KLHL1: variants seen among roughly 807,000 people sequenced by gnomAD.
The protein encoded by KLHL1 is kelch like family member 1.
KLHL1 carries 47 observed loss-of-function variants against 77.7 expected under a neutral mutation model. That is an observed-to-expected ratio of 0.60 (90% CI 0.48 to 0.77). The LOEUF is 0.77. Ranked by LOEUF, KLHL1 falls within the 30% of genes least tolerant of loss-of-function variation. KLHL1 has a pLI of 0.00. For missense variants in KLHL1, 925 were observed against 910.8 expected (o/e 1.02, Z -0.20); for synonymous variants, 360 against 325.2 (o/e 1.11, Z -1.15).
chr13:70,059,550 A>G (rs183616618), intron 1 of KLHL1, among the ~76,000 whole-genome samples: 63 of 152,304 alleles, frequency 4.1e-4, no homozygotes, highest in African/African-American at 1.3e-3. Flanking sequence ...ATTGAGTTAA[A>G]ATGTTTTTGC....
intron 1 of KLHL1, among the ~76,000 whole-genome samples, chr13:70,080,399 TA>T (rs1472156164): frequency 6.6e-6 from 1 of 152,170 alleles, no homozygotes; most frequent in African/African-American, 2.4e-5. Context: ...AAAATTAAGT[TA>T]TTTTTTAAAA....
chr13:69,759,986 T>C (rs1182161785), intron 7 of KLHL1, among the ~76,000 whole-genome samples: 1 of 152,176 alleles, frequency 6.6e-6, no homozygotes, highest in East Asian at 1.9e-4. Context: ...TCTCTTCCAG[T>C]GTACATAGGC....
intron 1 of KLHL1, among the ~76,000 whole-genome samples, chr13:70,092,557 G>A (rs9599546): frequency 0.14 from 21,610 of 152,028 alleles, 1,757 homozygotes; most frequent in East Asian, 0.24. Context: ...TAGATACAAA[G>A]TTTAATTAAT....
intron 5 of KLHL1, among the ~76,000 whole-genome samples, chr13:69,868,018 AAAT>A (rs141915092): frequency 0.16 from 23,755 of 152,024 alleles, 3,102 homozygotes; most frequent in African/African-American, 0.36. Context: ...ACAAAAAACA[AAAT>A]AATAAGTTTT....
intron 1 of KLHL1, among the ~76,000 whole-genome samples, chr13:70,065,158 C>G (rs917671496): frequency 6.6e-6 from 1 of 152,146 alleles, no homozygotes; most frequent in South Asian, 2.1e-4. Context: ...AACCACAGTT[C>G]TTCCTTCAGT....
chr13:69,947,093 C>T (rs887876683), intron 3 of KLHL1, among the ~76,000 whole-genome samples: 7 of 141,240 alleles, frequency 5.0e-5, no homozygotes, highest in African/African-American at 7.8e-5. Context: ...CTTCCTATTC[C>T]GTCACTGTGG....
chr13:69,846,760 A>T (rs748232691), intron 5 of KLHL1, among the ~76,000 whole-genome samples: 1 of 151,480 alleles, frequency 6.6e-6, no homozygotes, highest in Non-Finnish European at 1.5e-5. Context: ...GTTTAGCAAC[A>T]TTAAAGCATT....
chr13:70,039,628 T>G (rs930530961), intron 1 of KLHL1, among the ~76,000 whole-genome samples: 2 of 151,272 alleles, frequency 1.3e-5, no homozygotes, highest in Non-Finnish European at 2.9e-5. Context: ...TGCCTTTGGA[T>G]TCCTTGAACT....
chr13:69,779,654 A>G (rs1876031912), intron 7 of KLHL1, among the ~76,000 whole-genome samples: 1 of 151,950 alleles, frequency 6.6e-6, no homozygotes, highest in South Asian at 2.1e-4. Context: ...ACATATGTCT[A>G]TATCTTTATC....
intron 3 of KLHL1, among the ~76,000 whole-genome samples, chr13:69,950,617 T>C (rs1008561424): frequency 6.6e-6 from 1 of 151,660 alleles, no homozygotes; most frequent in Non-Finnish European, 1.5e-5. Context: ...ATTTAAATCT[T>C]CACTTAAGTA....
intron 1 of KLHL1, among the ~76,000 whole-genome samples, chr13:70,082,643 A>T (rs1211600264): frequency 1.3e-5 from 2 of 152,186 alleles, no homozygotes; most frequent in Non-Finnish European, 2.9e-5. Flanking sequence ...ATACAGGTAC[A>T]TGTGCAGGTT....
intron 2 of KLHL1, among the ~76,000 whole-genome samples, chr13:69,970,679 A>G (rs1429680075): frequency 6.6e-6 from 1 of 152,126 alleles, no homozygotes; most frequent in Admixed American, 6.6e-5. Flanking sequence ...AAGAATCAGG[A>G]TAAATCCTTG....
intron 5 of KLHL1, among the ~76,000 whole-genome samples, chr13:69,853,582 C>T (rs1879778004): frequency 6.6e-6 from 1 of 151,996 alleles, no homozygotes; most frequent in Admixed American, 6.6e-5. Flanking sequence ...AGTAGAAAGT[C>T]ATTGCAAGCA....
chr13:69,819,723 A>T (rs1878261044), intron 6 of KLHL1, among the ~76,000 whole-genome samples: 1 of 152,236 alleles, frequency 6.6e-6, no homozygotes, highest in East Asian at 1.9e-4. Context: ...TGGCCCTAAC[A>T]TGCCATCAGC....
At chr13:70,051,111 G>C (rs1304933530) in intron 1 of KLHL1, among the ~76,000 whole-genome samples, 1 of 151,914 alleles carries the variant, frequency 6.6e-6, no homozygotes, top group African/African-American at 2.4e-5. Flanking sequence ...ATAGACGTGT[G>C]GGGTGCAAAG....
At chr13:69,796,702 G>A in intron 7 of KLHL1, 36 bp downstream of exon 7, 1 of 1,379,618 alleles carries the variant, frequency 7.2e-7, no homozygotes, top group Non-Finnish European at 1.0e-6. Context: ...TCAATAACAT[G>A]TTTCTAAAAG....
At chr13:69,752,213 A>G (rs551349828) in intron 7 of KLHL1, among the ~76,000 whole-genome samples, 2 of 152,248 alleles carry the variant, frequency 1.3e-5, no homozygotes, top group South Asian at 4.1e-4. Flanking sequence ...CTTCTAACCA[A>G]GCTTCAGTCT....
At chr13:69,972,577 T>G (rs1304440482) in intron 2 of KLHL1, among the ~76,000 whole-genome samples, 3 of 151,874 alleles carry the variant, frequency 2.0e-5, no homozygotes, top group Admixed American at 6.6e-5. Context: ...GAGCCCTATC[T>G]CACAGGAATA....
chr13:69,714,333 C>A (rs1156871236), intron 9 of KLHL1, among the ~76,000 whole-genome samples: 1 of 152,086 alleles, frequency 6.6e-6, no homozygotes, highest in African/African-American at 2.4e-5. Flanking sequence ...AAAAGCTAAA[C>A]AGCTCTTTGA....
Sources: gnomAD v4.1 joint callset for allele counts (sites outside exome capture counted in the v4.1 genomes callset) on GRCh38, gnomAD v4.1.1 for gene constraint, MANE v1.5 for transcripts, NCBI Gene and HGNC (gene_info 2026-07-23, HGNC 2026-07-21) for gene names.